Variants in CLASP1 observed in about 807,000 individuals in gnomAD.
CLASP1 encodes CLIP-associating protein 1.
A neutral mutation model predicts 192.3 loss-of-function variants in CLASP1; 38 were observed. That is an observed-to-expected ratio of 0.20 (90% CI 0.15 to 0.26). The LOEUF (loss-of-function observed/expected upper bound fraction) is 0.26. Ranked by LOEUF, CLASP1 falls within the 10% of genes least tolerant of loss-of-function variation. The probability of loss-of-function intolerance (pLI) is 1.00; values close to 1 mark genes in which losing one functional copy is unlikely to be tolerated. For missense variants in CLASP1, 1,433 were observed against 1,932.5 expected (o/e 0.74, Z 4.85); for synonymous variants, 691 against 712.8 (o/e 0.97, Z 0.49).
chr2:121,421,825 G>A (rs563887081), intron 22 of CLASP1, among the ~76,000 whole-genome samples: 2 of 152,326 alleles, frequency 1.3e-5, no homozygotes, highest in South Asian at 2.1e-4. Flanking sequence ...TTACAGGCGT[G>A]AGCCACTGCA....
intron 16 of CLASP1, among the ~76,000 whole-genome samples, chr2:121,450,030 C>T (rs1032670271): frequency 2.6e-5 from 4 of 152,164 alleles, no homozygotes; most frequent in Non-Finnish European, 5.9e-5. Flanking sequence ...TACAGTCACA[C>T]TGGCAAAAAT....
chr2:121,510,383 T>C (rs1036153120), intron 7 of CLASP1, among the ~76,000 whole-genome samples: 3 of 151,990 alleles, frequency 2.0e-5, no homozygotes, highest in Non-Finnish European at 4.4e-5. Flanking sequence ...CATGTACAAA[T>C]AAAAAGGATT....
intron 2 of CLASP1, among the ~76,000 whole-genome samples, chr2:121,577,042 T>C (rs2060587076): frequency 6.6e-6 from 1 of 152,150 alleles, no homozygotes; most frequent in South Asian, 2.1e-4. Context: ...CGGATACATA[T>C]TAAAATATTT....
intron 8 of CLASP1, among the ~76,000 whole-genome samples, chr2:121,496,308 A>G (rs2093531321): frequency 6.6e-6 from 1 of 152,226 alleles, no homozygotes; most frequent in African/African-American, 2.4e-5. Flanking sequence ...CTCTGTGGAC[A>G]TGCAGTGCTA....
intron 1 of CLASP1, among the ~76,000 whole-genome samples, chr2:121,606,745 CAAAGA>C (rs1339132014): frequency 6.6e-6 from 1 of 152,196 alleles, no homozygotes; most frequent in African/African-American, 2.4e-5. Flanking sequence ...CTCCCTACAA[CAAAGA>C]AAAGAAAGAC....
At chr2:121,337,829 C>CT (rs2062460306) in exon 40 of CLASP1, 1 of 133,922 alleles carries the variant, frequency 7.5e-6, no homozygotes. Flanking sequence ...TTTTTTTTTT[C>CT]TTTTTTAGCA....
At chr2:121,515,847 C>T in intron 6 of CLASP1, 85 bp from the exon 7 acceptor site, 1 of 987,658 alleles carries the variant, frequency 1.0e-6, no homozygotes, top group Non-Finnish European at 1.6e-6. Context: ...ATATACCACC[C>T]CAATTTATCA....
intron 22 of CLASP1, 143 bp from the exon 23 acceptor site, chr2:121,418,872 A>G (rs2079032407): frequency 4.8e-6 from 3 of 630,370 alleles, no homozygotes; most frequent in African/African-American, 3.6e-5. Context: ...CCACCTATCC[A>G]TGCTGAGGTC....
chr2:121,490,321 A>G (rs1420192315), intron 8 of CLASP1: 1 of 454,080 alleles, frequency 2.2e-6, no homozygotes, highest in Non-Finnish European at 4.4e-6. Flanking sequence ...AAATAAAAAC[A>G]CTGCTCTGAA....
At chr2:121,347,982 T>C (rs1158875596) in intron 38 of CLASP1, among the ~76,000 whole-genome samples, 1 of 121,912 alleles carries the variant, frequency 8.2e-6, no homozygotes, top group African/African-American at 3.1e-5. Flanking sequence ...TTCTCTACTG[T>C]CATGTAGCCC....
At chr2:121,525,372 T>G (rs924300616) in intron 6 of CLASP1, among the ~76,000 whole-genome samples, 6 of 151,978 alleles carry the variant, frequency 3.9e-5, no homozygotes, top group African/African-American at 1.5e-4. Flanking sequence ...AGTTGAGGAG[T>G]TTCCACGATG....
intron 2 of CLASP1, among the ~76,000 whole-genome samples, chr2:121,605,117 C>A (rs1275739143): frequency 7.1e-6 from 1 of 141,654 alleles, no homozygotes; most frequent in South Asian, 2.6e-4. Flanking sequence ...TGGGACCTGG[C>A]CCCCACCCCC....
chr2:121,435,321 C>T (rs1225806592), intron 19 of CLASP1, among the ~76,000 whole-genome samples: 1 of 152,202 alleles, frequency 6.6e-6, no homozygotes, highest in East Asian at 1.9e-4. Context: ...GTTGCCCAGG[C>T]TGGAGTTCAA....
At chr2:121,628,553 G>A (rs1051805749) in intron 1 of CLASP1, among the ~76,000 whole-genome samples, 6 of 151,740 alleles carry the variant, frequency 4.0e-5, no homozygotes, top group Admixed American at 3.3e-4. Flanking sequence ...GTGCACGCCT[G>A]TAACCCCAGC....
intron 3 of CLASP1, among the ~76,000 whole-genome samples, chr2:121,529,418 A>T (rs1042539359): frequency 6.6e-6 from 1 of 152,222 alleles, no homozygotes; most frequent in African/African-American, 2.4e-5. Context: ...TAAAATATCA[A>T]ATGTCTAAAA....
At chr2:121,569,578 C>T (rs1238795772) in intron 2 of CLASP1, among the ~76,000 whole-genome samples, 2 of 152,140 alleles carry the variant, frequency 1.3e-5, no homozygotes, top group Admixed American at 6.5e-5. Flanking sequence ...TACGGCCGGA[C>T]GTGGTGGCTC....
intron 19 of CLASP1, among the ~76,000 whole-genome samples, chr2:121,433,187 T>C (rs1457349554): frequency 1.3e-5 from 2 of 151,966 alleles, no homozygotes; most frequent in Non-Finnish European, 2.9e-5. Context: ...CTGGGCATGG[T>C]GGCGCATGTC....
intron 34 of CLASP1, 77 bp from the exon 36 acceptor site, chr2:121,367,908 A>G: frequency 2.6e-6 from 4 of 1,551,420 alleles, no homozygotes; most frequent in Non-Finnish European, 3.5e-6. Flanking sequence ...AAATATTAAG[A>G]AGGCCAGAGA....
intron 1 of CLASP1, among the ~76,000 whole-genome samples, chr2:121,647,613 T>TA (rs1052635319): frequency 9.3e-5 from 14 of 151,326 alleles, no homozygotes; most frequent in African/African-American, 3.2e-4. Flanking sequence ...TGCTATCAAT[T>TA]AAAAAAAAAG....
Sources: gnomAD v4.1 joint callset for allele counts (sites outside exome capture counted in the v4.1 genomes callset) on GRCh38, gnomAD v4.1.1 for gene constraint, MANE v1.5 for transcripts, NCBI Gene and HGNC (gene_info 2026-07-23, HGNC 2026-07-21) for gene names.